Variants in MGAT4C observed in about 807,000 individuals in gnomAD.
MGAT4C encodes the protein alpha-1,3-mannosyl-glycoprotein 4-beta-N-acetylglucosaminyltransferase C.
Under a neutral mutation model 40.1 loss-of-function variants are expected in MGAT4C, and 19 were observed. That is an observed-to-expected ratio of 0.47 (90% CI 0.33 to 0.70). The LOEUF is 0.70. Among genes scored for constraint, MGAT4C ranks in the 30% least tolerant of loss-of-function variants. The pLI is 0.02. For missense variants in MGAT4C, 491 were observed against 563.2 expected (o/e 0.87, Z 1.30); for synonymous variants, 181 against 187.1 (o/e 0.97, Z 0.27).
intron 2 of MGAT4C, among the ~76,000 whole-genome samples, chr12:86,500,718 T>G (rs1434541649): frequency 6.6e-6 from 1 of 152,010 alleles, no homozygotes; most frequent in Non-Finnish European, 1.5e-5. Context: ...ACTGTTTACT[T>G]TATCCAATGA....
intron 3 of MGAT4C, among the ~76,000 whole-genome samples, chr12:86,386,363 A>C (rs1956051680): frequency 6.6e-6 from 1 of 152,252 alleles, no homozygotes; most frequent in African/African-American, 2.4e-5. Flanking sequence ...CTCCCACTAG[A>C]CAATGAATAC....
intron 1 of MGAT4C, among the ~76,000 whole-genome samples, chr12:86,255,017 G>C (rs139021263): frequency 2.6e-5 from 4 of 152,110 alleles, no homozygotes; most frequent in African/African-American, 9.6e-5. Context: ...CAAATCCTGA[G>C]TTTTAATTAT....
At chr12:86,428,159 C>T (rs566285533) in intron 3 of MGAT4C, among the ~76,000 whole-genome samples, 4 of 151,990 alleles carry the variant, frequency 2.6e-5, no homozygotes, top group Non-Finnish European at 5.9e-5. Context: ...ATTTCAAGAT[C>T]GAATTATTTA....
At chr12:86,739,055 T>C (rs1951025816) in intron 1 of MGAT4C, among the ~76,000 whole-genome samples, 1 of 148,370 alleles carries the variant, frequency 6.7e-6, no homozygotes. Flanking sequence ...TTATTTATTA[T>C]TGTCATTCCA....
At chr12:85,980,773 A>T (rs1470450229) in intron 4 of MGAT4C, among the ~76,000 whole-genome samples, 1 of 152,134 alleles carries the variant, frequency 6.6e-6, no homozygotes, top group African/African-American at 2.4e-5. Flanking sequence ...GAGAAGGTAG[A>T]CAGGTACCTA....
chr12:86,601,920 T>TA lies in MGAT4C; in HGVS notation c.-229+125288dup, dbSNP rs577309100. Among the ~76,000 whole-genome samples, 504 of 152,276 alleles carry TA rather than the reference T, an allele frequency of 3.3e-3. 1 individual carries two copies. Among genetic ancestry groups the TA allele is most frequent in the Non-Finnish European group, 5.4e-3 (369 of 68,024 alleles). ...GACCCAGGGCTGTAACATGCTGTAA[T>TA]ACCCTCTTTGGGGCTCTGTGGTTCC... is the stretch of plus-strand genomic sequence containing the variant. On this transcript the variant is annotated intron_variant, in intron 2 of 7. Transcript: ENST00000548651.
intron 3 of MGAT4C, among the ~76,000 whole-genome samples, chr12:86,395,507 A>G (rs1056378220): frequency 6.6e-5 from 10 of 152,222 alleles, no homozygotes; most frequent in Admixed American, 6.5e-4. Context: ...TAAGAGAAAA[A>G]TGAGGTGAGT....
At chr12:86,553,216 G>C (rs1379463344) in intron 2 of MGAT4C, among the ~76,000 whole-genome samples, 3 of 152,166 alleles carry the variant, frequency 2.0e-5, no homozygotes, top group South Asian at 2.1e-4. Flanking sequence ...ATTCTGTTCA[G>C]AAAATTCTAT....
rs557117922 is a variant in MGAT4C, at chr12:86,570,141, A to G, written c.-228-134876T>C. Among the ~76,000 whole-genome samples, 7 of 152,222 alleles carry G rather than the reference A, an allele frequency of 4.6e-5. No individual in the cohort carries two copies. In the South Asian group the frequency reaches 1.5e-3, roughly 32 times the overall value. Reference sequence around the variant, plus strand: ...AAGAGACCTATTGTAACTAACAATGACAATAGTTAATACGTTGTACAATTG... The same window carrying G: ...AAGAGACCTATTGTAACTAACAATGGCAATAGTTAATACGTTGTACAATTG... On this transcript the variant is annotated intron_variant, in intron 2 of 7. Coordinates refer to the MGAT4C transcript ENST00000548651.
chr12:86,788,907 T>C (rs1462494809), intron 1 of MGAT4C, among the ~76,000 whole-genome samples: 13 of 152,160 alleles, frequency 8.5e-5, no homozygotes. Flanking sequence ...GTAGCCAATG[T>C]ATAAAATCAA....
chr12:86,667,088 T>C (rs1464938421), intron 2 of MGAT4C, among the ~76,000 whole-genome samples: 5 of 152,190 alleles, frequency 3.3e-5, no homozygotes, highest in Non-Finnish European at 7.3e-5. Flanking sequence ...ACTTTCATGG[T>C]ACAAAACAGA....
At chr12:86,007,579 T>C (rs952343004) in intron 2 of MGAT4C, among the ~76,000 whole-genome samples, 4 of 152,004 alleles carry the variant, frequency 2.6e-5, no homozygotes, top group African/African-American at 9.7e-5. Flanking sequence ...AAATAAAGTA[T>C]AAATATCATC....
At chr12:86,784,154 G>A (rs1034035788) in intron 1 of MGAT4C, among the ~76,000 whole-genome samples, 5 of 151,974 alleles carry the variant, frequency 3.3e-5, no homozygotes, top group East Asian at 1.9e-4. Flanking sequence ...TAATGCTATC[G>A]TTCCCCTAGT....
At chr12:86,638,968 G>A (rs941228376) in intron 2 of MGAT4C, among the ~76,000 whole-genome samples, 3 of 151,758 alleles carry the variant, frequency 2.0e-5, no homozygotes, top group Admixed American at 1.3e-4. Flanking sequence ...AGTGCAATAT[G>A]ATGTAAAAAA....
At chr12:86,585,735 A>ATT (rs953725529) in intron 2 of MGAT4C, among the ~76,000 whole-genome samples, 47 of 144,446 alleles carry the variant, frequency 3.3e-4, no homozygotes, top group South Asian at 1.3e-3. Flanking sequence ...ATTTTTTTTA[A>ATT]TTTTTTTTTT....
chr12:86,375,983 C>T (rs1210394744), intron 3 of MGAT4C, among the ~76,000 whole-genome samples: 1 of 151,978 alleles, frequency 6.6e-6, no homozygotes, highest in African/African-American at 2.4e-5. Context: ...GCATTTAAAT[C>T]ATTGCAAATA....
chr12:86,781,236 C>T (rs1951834949), intron 1 of MGAT4C, among the ~76,000 whole-genome samples: 1 of 152,082 alleles, frequency 6.6e-6, no homozygotes, highest in South Asian at 2.1e-4. Context: ...ACTCTTCATA[C>T]TCTTTTCCCT....
At chr12:86,123,364 T>C (rs1306941013) in intron 1 of MGAT4C, among the ~76,000 whole-genome samples, 1 of 152,148 alleles carries the variant, frequency 6.6e-6, no homozygotes, top group African/African-American at 2.4e-5. Flanking sequence ...TTGTATCAGA[T>C]GCATGATGGT....
chr12:86,604,281 T>C (rs1961962026), intron 2 of MGAT4C, among the ~76,000 whole-genome samples: 1 of 152,112 alleles, frequency 6.6e-6, no homozygotes, highest in Non-Finnish European at 1.5e-5. Flanking sequence ...GATTTTTATT[T>C]TCTAGGTCTC....
Sources: allele counts gnomAD v4.1 joint callset (sites outside exome capture counted in the v4.1 genomes callset), GRCh38; gene constraint gnomAD v4.1.1; transcripts MANE v1.5; gene names NCBI Gene and HGNC (gene_info 2026-07-23, HGNC 2026-07-21).